The following PDZRN4 variants were observed in gnomAD, a reference collection of about 807,000 sequenced individuals.
The protein encoded by PDZRN4 is PDZ domain-containing RING finger protein 4.
In PDZRN4, 70 loss-of-function variants were observed where a neutral mutation model predicts 99.0. The ratio of observed to expected loss-of-function variants is 0.71; its 90% CI spans 0.58 to 0.86. The LOEUF (loss-of-function observed/expected upper bound fraction) is 0.86, where lower values mean the gene tolerates loss of function less well. Among genes scored for constraint, PDZRN4 ranks in the 40% least tolerant of loss-of-function variants. The pLI is 0.00. For missense variants in PDZRN4, 1,474 were observed against 1,331.2 expected (o/e 1.11, Z -1.67); for synonymous variants, 551 against 501.6 (o/e 1.10, Z -1.32).
At chr12:41,319,785 T>G (rs1527085) in intron 3 of PDZRN4, among the ~76,000 whole-genome samples, 4 of 152,138 alleles carry the variant, frequency 2.6e-5, no homozygotes, top group Non-Finnish European at 5.9e-5. Flanking sequence ...ACAAAAAACA[T>G]AAACTATTTA....
Position 41,572,569 on chromosome 12 carries a change from G to A in PDZRN4, c.1790G>A (p.Ser597Asn), listed in dbSNP as rs1565619516. 1 of 1,614,142 alleles carries A rather than the reference G, an allele frequency of 6.2e-7. No individual in the cohort carries two copies. The highest frequency in any genetic ancestry group is 2.2e-5 in the East Asian group (1 of 44,864). The change falls in exon 10 of 10, where the codon AGT becomes AAT. Residue 597 changes from serine (S) to asparagine (N), a missense_variant. By Grantham distance (46) the Ser-to-Asn change is conservative (BLOSUM62 1). Coordinates refer to ENST00000402685, the MANE Select transcript of PDZRN4 (RefSeq NM_001164595.2). ...DLGQSQDTLG[S>N]VELQYNESLV... Reference sequence around the variant, plus strand: ...GGGCAGAGCCAAGACACTCTGGGAAGTGTTGAACTTCAGTACAATGAGAGC... The same window carrying A: ...GGGCAGAGCCAAGACACTCTGGGAAATGTTGAACTTCAGTACAATGAGAGC...
At chr12:41,449,838 A>G (rs1952760423) in intron 3 of PDZRN4, among the ~76,000 whole-genome samples, 2 of 152,260 alleles carry the variant, frequency 1.3e-5, no homozygotes, top group South Asian at 2.1e-4. Flanking sequence ...ATACTTTAAT[A>G]TGTTTGTTTT....
chr12:41,244,632 GC>G (rs1245997769), intron 3 of PDZRN4, among the ~76,000 whole-genome samples: 1 of 149,428 alleles, frequency 6.7e-6, no homozygotes, highest in African/African-American at 2.5e-5. Flanking sequence ...TGCCAGGCTT[GC>G]CCCTGGAAGG....
intron 3 of PDZRN4, among the ~76,000 whole-genome samples, chr12:41,453,601 C>T (rs907667441): frequency 2.0e-5 from 3 of 152,174 alleles, no homozygotes; most frequent in African/African-American, 7.2e-5. Flanking sequence ...GTCTGTGCTG[C>T]CACGGTCACC....
At chr12:41,500,190 C>G (rs919907345) in intron 3 of PDZRN4, among the ~76,000 whole-genome samples, 15 of 151,996 alleles carry the variant, frequency 9.9e-5, no homozygotes, top group African/African-American at 3.1e-4. Flanking sequence ...AGGGAACAGA[C>G]TACTGGAGGT....
At chr12:41,498,441 A>G (rs574457488) in intron 3 of PDZRN4, among the ~76,000 whole-genome samples, 210 of 152,276 alleles carry the variant, frequency 1.4e-3, no homozygotes, top group African/African-American at 4.6e-3. Context: ...TCAAGGTGCC[A>G]GCATCTGGCA....
intron 8 of PDZRN4, among the ~76,000 whole-genome samples, chr12:41,567,291 G>A (rs914147219): frequency 5.3e-5 from 8 of 152,122 alleles, no homozygotes; most frequent in African/African-American, 1.9e-4. Context: ...CAGCCATCTT[G>A]TTGACATGGG....
intron 3 of PDZRN4, among the ~76,000 whole-genome samples, chr12:41,407,920 C>G (rs1439844020): frequency 3.2e-5 from 4 of 126,624 alleles, no homozygotes; most frequent in Non-Finnish European, 7.2e-5. Flanking sequence ...ATCGTAGAAG[C>G]TGTGTTACCT....
intron 3 of PDZRN4, among the ~76,000 whole-genome samples, chr12:41,460,489 A>G (rs1342508405): frequency 6.6e-6 from 1 of 152,196 alleles, no homozygotes; most frequent in Non-Finnish European, 1.5e-5. Context: ...TTTTATTATG[A>G]GAAAATCTTA....
chr12:41,227,950 C>T (rs927253783), intron 3 of PDZRN4, among the ~76,000 whole-genome samples: 3 of 150,898 alleles, frequency 2.0e-5, no homozygotes, highest in African/African-American at 4.9e-5. Context: ...TATTACCATA[C>T]TCTAAAAATA....
intron 3 of PDZRN4, among the ~76,000 whole-genome samples, chr12:41,471,028 G>A (rs1952984555): frequency 6.6e-6 from 1 of 152,172 alleles, no homozygotes; most frequent in Non-Finnish European, 1.5e-5. Flanking sequence ...CTCCACCAAT[G>A]TGCAAATCCT....
At chr12:41,332,379 T>C (rs1951745693) in intron 3 of PDZRN4, among the ~76,000 whole-genome samples, 1 of 151,890 alleles carries the variant, frequency 6.6e-6, no homozygotes, top group Non-Finnish European at 1.5e-5. Flanking sequence ...GACCATAATA[T>C]TGTAAGGAGG....
chr12:41,522,071 T>C (rs999714347), intron 5 of PDZRN4, among the ~76,000 whole-genome samples: 1 of 152,132 alleles, frequency 6.6e-6, no homozygotes, highest in African/African-American at 2.4e-5. Context: ...TCCTTTGACT[T>C]GTACATGGCT....
intron 3 of PDZRN4, among the ~76,000 whole-genome samples, chr12:41,438,937 G>A (rs1266573013): frequency 5.3e-5 from 8 of 152,184 alleles, no homozygotes; most frequent in African/African-American, 1.9e-4. Context: ...GATGAAGGAC[G>A]ATGCTTGGGA....
chr12:41,420,962 C>T (rs1359360951), intron 3 of PDZRN4, among the ~76,000 whole-genome samples: 1 of 152,116 alleles, frequency 6.6e-6, no homozygotes, highest in Non-Finnish European at 1.5e-5. Flanking sequence ...TTCCTCCTGA[C>T]TTCATTATTT....
chr12:41,392,258 A>G (rs1213913383), intron 3 of PDZRN4, among the ~76,000 whole-genome samples: 2 of 152,140 alleles, frequency 1.3e-5, no homozygotes, highest in Admixed American at 1.3e-4. Context: ...TTCTTTGATC[A>G]TGACCCCAGA....
At chr12:41,304,475 C>T (rs1306117700) in intron 3 of PDZRN4, among the ~76,000 whole-genome samples, 1 of 152,116 alleles carries the variant, frequency 6.6e-6, no homozygotes, top group Non-Finnish European at 1.5e-5. Context: ...GTGCTCTCTT[C>T]CCAGGAATTT....
In PDZRN4 at chr12:41,241,507, A is replaced by G. The variant is rs184152610; in HGVS notation, c.843+47319A>G. On this transcript the variant is annotated intron_variant, in intron 3 of 9. Transcript: ENST00000402685. ...GGCCTGACCCTTTGTTCTACCACAT[A>G]CTGGCCCAGTAGTTATGGGTGTTAC... is the stretch of plus-strand genomic sequence containing the variant. Among the ~76,000 whole-genome samples the G allele has an allele frequency of 3.2e-3, 480 of 148,436 alleles. 1 individual carries two copies. Among genetic ancestry groups the G allele is most frequent in the Non-Finnish European group, 5.9e-3 (404 of 68,002 alleles).
rs916365994 is a variant in PDZRN4, at chr12:41,362,675, C to T, written c.844-143781C>T. ...ATTGTCAAGGAGATACATAGGTCTCCGTAGCAAAGGCATGTAATCTGCTGC... is the reference window on the plus strand; with the variant it reads ...ATTGTCAAGGAGATACATAGGTCTCTGTAGCAAAGGCATGTAATCTGCTGC... On this transcript the variant is annotated intron_variant, in intron 3 of 9. Coordinates refer to ENST00000402685, the MANE Select transcript of PDZRN4 (RefSeq NM_001164595.2). 1.4e-4 allele frequency among the ~76,000 whole-genome samples: 21 copies of T among 152,094 alleles called. No homozygotes were observed. In the South Asian group the frequency reaches 2.3e-3, roughly 17 times the overall value.
Sources: allele counts gnomAD v4.1 joint callset (sites outside exome capture counted in the v4.1 genomes callset), GRCh38; gene constraint gnomAD v4.1.1; transcripts MANE v1.5; gene names NCBI Gene and HGNC (gene_info 2026-07-23, HGNC 2026-07-21).